The following NLRC5 variants were observed in gnomAD, a reference collection of about 807,000 sequenced individuals.
NLRC5 encodes NLR family CARD domain containing 5.
Under a neutral mutation model 206.9 loss-of-function variants are expected in NLRC5, and 114 were observed. That is an observed-to-expected ratio of 0.55 (90% CI 0.47 to 0.64). NLRC5 has a LOEUF of 0.64. Among genes scored for constraint, NLRC5 ranks in the 30% least tolerant of loss-of-function variants. The probability of loss-of-function intolerance (pLI) is 0.00; values close to 1 mark genes in which losing one functional copy is unlikely to be tolerated. For missense variants in NLRC5, 2,008 were observed against 2,305.5 expected (o/e 0.87, Z 2.64); for synonymous variants, 952 against 962.8 (o/e 0.99, Z 0.21).
chr16:57,044,145 CAAA>C (rs61317543), intron 20 of NLRC5, among the ~76,000 whole-genome samples: 3 of 128,632 alleles, frequency 2.3e-5, no homozygotes, highest in Non-Finnish European at 3.4e-5. Flanking sequence ...CTAAAAATAC[CAAA>C]AAAAAAAAAA....
At chr16:57,074,794 TC>T in intron 39 of NLRC5, 111 bp downstream of exon 39, 2 of 1,026,332 alleles carry the variant, frequency 1.9e-6, no homozygotes, top group Non-Finnish European at 3.0e-6. Context: ...CCTTTGCGGA[TC>T]CCTCCCAGGC....
intron 14 of NLRC5, 75 bp downstream of exon 14, chr16:57,036,258 A>G: frequency 1.5e-6 from 2 of 1,370,004 alleles, no homozygotes; most frequent in Non-Finnish European, 2.0e-6. Context: ...GTTCGTAATC[A>G]GCAGTAAGGG....
intron 17 of NLRC5, 75 bp from the exon 18 acceptor site, chr16:57,041,410 T>TG (rs1301497383): frequency 1.6e-6 from 2 of 1,244,028 alleles, no homozygotes; most frequent in Admixed American, 1.8e-5. Flanking sequence ...CCTCTGTGTC[T>TG]GGGGGGTGGG....
intron 11 of NLRC5, among the ~76,000 whole-genome samples, chr16:57,032,525 T>C (rs185670218): frequency 3.9e-4 from 60 of 152,288 alleles, no homozygotes; most frequent in Admixed American, 2.2e-3. Flanking sequence ...GCTATTTCAA[T>C]TTAAATAAAT....
At position 57,039,764 on chromosome 16, in the gene NLRC5, C is replaced by T. The variant is rs755826989; in HGVS notation, c.2802-17C>T. 4.3e-6 allele frequency: 7 copies of T among 1,612,882 alleles called. No homozygotes were observed. Among genetic ancestry groups the T allele is most frequent in the Non-Finnish European group, 5.9e-6 (7 of 1,178,942 alleles). On this transcript the variant is annotated splice_polypyrimidine_tract_variant and intron_variant, in intron 15 of 48. Transcript: ENST00000688547. The stretch of plus-strand genomic sequence containing the variant: ...CCAATAACCTCTCGCTTCCTCACCC[C>T]TCTTTTGTCTTCACAGCCTGCAGCA...
chr16:57,007,525 C>G (rs1233820998), intron 1 of NLRC5, among the ~76,000 whole-genome samples: 12 of 151,896 alleles, frequency 7.9e-5, no homozygotes, highest in African/African-American at 2.9e-4. Flanking sequence ...AAGTTCGAGA[C>G]CAGCCTGGTC....
intron 28 of NLRC5, 43 bp downstream of exon 28, chr16:57,058,191 GCT>G (rs1407464027): frequency 5.9e-6 from 9 of 1,520,600 alleles, no homozygotes; most frequent in Non-Finnish European, 8.1e-6. Context: ...AAGGAGGAAG[GCT>G]CCCCTAGGCC....
intron 1 of NLRC5, among the ~76,000 whole-genome samples, chr16:57,008,018 T>C (rs1403708886): frequency 6.6e-6 from 1 of 152,202 alleles, no homozygotes; most frequent in Non-Finnish European, 1.5e-5. Context: ...CCAGTTGTTT[T>C]TTTCTTTTTT....
chr16:57,021,839 T>C (rs2060706632), intron 3 of NLRC5, among the ~76,000 whole-genome samples: 1 of 151,966 alleles, frequency 6.6e-6, no homozygotes, highest in Non-Finnish European at 1.5e-5. Context: ...GGAGAGAAAA[T>C]GGGAACTCAC....
intron 45 of NLRC5, 54 bp from the exon 46 acceptor site, chr16:57,079,492 G>T (rs1442631464): frequency 2.6e-6 from 4 of 1,516,462 alleles, no homozygotes; most frequent in South Asian, 1.1e-5. Context: ...GGACCTGCTA[G>T]ATCCCCTGAC....
intron 21 of NLRC5, 23 bp downstream of exon 21, chr16:57,045,515 G>T (rs765927478): frequency 3.1e-6 from 5 of 1,612,118 alleles, no homozygotes; most frequent in South Asian, 1.1e-5. Flanking sequence ...CGCTCGGGGT[G>T]GGGGAGTCCC....
chr16:57,072,738 A>G (rs1351227499), intron 38 of NLRC5, among the ~76,000 whole-genome samples: 2 of 152,272 alleles, frequency 1.3e-5, no homozygotes, highest in Non-Finnish European at 2.9e-5. Flanking sequence ...AGAAATATGT[A>G]ACAAATAACA....
intron 40 of NLRC5, 48 bp downstream of exon 40, chr16:57,076,950 A>G (rs770147394): frequency 6.5e-7 from 1 of 1,547,616 alleles, no homozygotes; most frequent in South Asian, 1.1e-5. Context: ...TTGGCCGGGA[A>G]AGATGACAAG....
At chr16:57,008,757 G>T (rs1400193054) in intron 1 of NLRC5, among the ~76,000 whole-genome samples, 2 of 152,074 alleles carry the variant, frequency 1.3e-5, no homozygotes, top group African/African-American at 4.8e-5. Flanking sequence ...CCTAGCAATG[G>T]CTTAAGCAAT....
At chr16:57,030,536 A>G (rs1409410287) in intron 10 of NLRC5, among the ~76,000 whole-genome samples, 4 of 151,678 alleles carry the variant, frequency 2.6e-5, no homozygotes, top group African/African-American at 9.7e-5. Context: ...GGGTGGATGA[A>G]AAGATGAATG....
Position 57,051,658 on chromosome 16 carries a change from T to C in NLRC5, c.3506+37T>C, listed in dbSNP as rs2064922883. On this transcript the variant is annotated intron_variant, in intron 24 of 48. Transcript: ENST00000688547. ...GTTTTTCCTATTTCCCGGTTCCTTGTGCTCGTGTTTCTAAGGCTCCTCCAT... is the reference window on the plus strand; with the variant it reads ...GTTTTTCCTATTTCCCGGTTCCTTGCGCTCGTGTTTCTAAGGCTCCTCCAT... The C allele has an allele frequency of 2.6e-6, 4 of 1,548,420 alleles. No individual in the cohort carries two copies. In the South Asian group the frequency reaches 4.5e-5, roughly 17 times the overall value.
At chr16:57,040,251 G>T (rs913604038) in intron 16 of NLRC5, among the ~76,000 whole-genome samples, 1 of 152,184 alleles carries the variant, frequency 6.6e-6, no homozygotes, top group Non-Finnish European at 1.5e-5. Flanking sequence ...CCAGCCTAGC[G>T]CATGGGTAGA....
chr16:57,055,652 G>A, intron 27 of NLRC5, 133 bp downstream of exon 27: 1 of 695,144 alleles, frequency 1.4e-6, no homozygotes, highest in Admixed American at 2.2e-5. Context: ...CAGCTGTCAG[G>A]GATGCCTGGG....
chr16:57,047,122 C>T lies in NLRC5; in HGVS notation c.3339-423C>T, dbSNP rs114772949. 2.3e-3 allele frequency among the ~76,000 whole-genome samples: 345 copies of T among 152,242 alleles called. 2 individuals are homozygous for T. The highest frequency in any genetic ancestry group is 8.0e-3 in the African/African-American group (333 of 41,528). On this transcript the variant is annotated intron_variant, in intron 22 of 48. Coordinates refer to ENST00000688547, the MANE Select transcript of NLRC5 (RefSeq NM_001384950.1). ...GGACATTTCAATTTCACTGTTAGCC[C>T]CAGGGCAATGGGGAGCCACGGGGGT...
Sources: gnomAD v4.1 joint callset for allele counts (sites outside exome capture counted in the v4.1 genomes callset) on GRCh38, gnomAD v4.1.1 for gene constraint, MANE v1.5 for transcripts, NCBI Gene and HGNC (gene_info 2026-07-23, HGNC 2026-07-21) for gene names.